Variants in AK9 observed in about 807,000 individuals in gnomAD.
The protein encoded by AK9 is adenylate kinase 9.
A neutral mutation model predicts 239.6 loss-of-function variants in AK9; 191 were observed. The ratio of observed to expected loss-of-function variants is 0.80; its 90% CI spans 0.71 to 0.90. The LOEUF is 0.90. Ranked by LOEUF, AK9 falls within the 40% of genes least tolerant of loss-of-function variation. AK9 has a pLI of 0.00. For synonymous variants in AK9, 689 were observed against 721.0 expected (o/e 0.96, Z 0.71); for missense variants, 1,995 against 2,214.7 (o/e 0.90, Z 1.99).
intron 8 of AK9, among the ~76,000 whole-genome samples, chr6:109,652,238 G>C (rs916211568): frequency 6.6e-6 from 1 of 152,212 alleles, no homozygotes; most frequent in Non-Finnish European, 1.5e-5. Flanking sequence ...TGGGATGCAA[G>C]GCTGGTTCAA....
chr6:109,627,141 T>C (rs1795626820), intron 12 of AK9, among the ~76,000 whole-genome samples: 1 of 142,868 alleles, frequency 7.0e-6, no homozygotes, highest in Non-Finnish European at 1.5e-5. Flanking sequence ...AGCTTTTTTT[T>C]TTTTTTTTTT....
intron 29 of AK9, among the ~76,000 whole-genome samples, chr6:109,519,937 T>A (rs1779665640): frequency 6.6e-6 from 1 of 152,226 alleles, no homozygotes; most frequent in South Asian, 2.1e-4. Flanking sequence ...TTGCCCACTT[T>A]TTAATGGGGT....
At chr6:109,593,553 C>T (rs961033349) in intron 17 of AK9, among the ~76,000 whole-genome samples, 9 of 152,034 alleles carry the variant, frequency 5.9e-5, no homozygotes, top group Admixed American at 2.0e-4. Context: ...CTGGCAGAGA[C>T]GTAACAACAA....
chr6:109,541,286 G>T (rs540718416), intron 27 of AK9, among the ~76,000 whole-genome samples: 7 of 152,146 alleles, frequency 4.6e-5, no homozygotes, highest in Non-Finnish European at 8.8e-5. Flanking sequence ...TATCTCAGAG[G>T]TTATTAAAAG....
intron 31 of AK9, 98 bp from the exon 32 acceptor site, chr6:109,514,535 A>G: frequency 1.9e-6 from 2 of 1,060,092 alleles, no homozygotes; most frequent in Non-Finnish European, 2.7e-6. Flanking sequence ...CATAAGAAAA[A>G]AAAATTCCTT....
intron 12 of AK9, among the ~76,000 whole-genome samples, chr6:109,629,716 T>C (rs1291720330): frequency 6.6e-6 from 1 of 151,724 alleles, no homozygotes; most frequent in Non-Finnish European, 1.5e-5. Context: ...CACTGCAAGC[T>C]CCGCCTCCCG....
intron 17 of AK9, among the ~76,000 whole-genome samples, chr6:109,592,876 T>C (rs1490731990): frequency 1.3e-5 from 2 of 152,216 alleles, no homozygotes; most frequent in Admixed American, 1.3e-4. Context: ...TATCTTACAA[T>C]AGTTTTCTGA....
chr6:109,612,792 C>T (rs1438386879), intron 15 of AK9, among the ~76,000 whole-genome samples: 1 of 151,638 alleles, frequency 6.6e-6, no homozygotes, highest in Non-Finnish European at 1.5e-5. Flanking sequence ...AAAAAATCAG[C>T]TCTACATTAT....
intron 17 of AK9, among the ~76,000 whole-genome samples, chr6:109,599,551 A>C (rs1791604156): frequency 6.6e-6 from 1 of 151,592 alleles, no homozygotes; most frequent in South Asian, 2.1e-4. Flanking sequence ...TTGACTTGGC[A>C]ATGCAGGCTC....
At chr6:109,594,909 G>A (rs957735352) in intron 17 of AK9, among the ~76,000 whole-genome samples, 3 of 152,112 alleles carry the variant, frequency 2.0e-5, no homozygotes, top group Non-Finnish European at 2.9e-5. Flanking sequence ...AAAAATTCTA[G>A]AAGAAAACCT....
At chr6:109,672,768 A>G (rs755413676) in intron 3 of AK9, among the ~76,000 whole-genome samples, 12 of 152,202 alleles carry the variant, frequency 7.9e-5, no homozygotes, top group Non-Finnish European at 7.3e-5. Flanking sequence ...ATGCATATGT[A>G]CTGTGTAGTG....
At chr6:109,665,224 T>A (rs896400451) in intron 5 of AK9, among the ~76,000 whole-genome samples, 1 of 152,248 alleles carries the variant, frequency 6.6e-6, no homozygotes, top group African/African-American at 2.4e-5. Context: ...AAGGATGACC[T>A]TGTCATCTTG....
At chr6:109,679,640 C>T (rs953080925) in intron 1 of AK9, among the ~76,000 whole-genome samples, 2 of 152,166 alleles carry the variant, frequency 1.3e-5, no homozygotes, top group African/African-American at 2.4e-5. Context: ...GGGTCCCTGA[C>T]CCCCATGTCT....
intron 21 of AK9, among the ~76,000 whole-genome samples, chr6:109,568,222 T>A (rs1786871990): frequency 1.3e-5 from 2 of 152,108 alleles, no homozygotes; most frequent in African/African-American, 4.8e-5. Flanking sequence ...TCAAGAAAAT[T>A]CAACAGCGCT....
intron 27 of AK9, among the ~76,000 whole-genome samples, chr6:109,534,982 C>T (rs1276089157): frequency 2.6e-5 from 4 of 152,184 alleles, no homozygotes; most frequent in Non-Finnish European, 4.4e-5. Context: ...ATATGTGCAA[C>T]ATTTTCTTAA....
At position 109,567,780 on chromosome 6, in the gene AK9, GC is replaced by G. The variant is rs560357350; in HGVS notation, c.2345-2936del. On this transcript the variant is annotated intron_variant, in intron 21 of 40. Coordinates refer to ENST00000424296, the MANE Select transcript of AK9 (RefSeq NM_001145128.3). ...GACAGCATTAGGAGATATACCTAAT[GC>G]AAATGACGAGTTAATGGGTGCAGCA... Among the ~76,000 whole-genome samples the G allele has an allele frequency of 4.9e-3, 742 of 149,966 alleles. 11 individuals are homozygous for G. Among genetic ancestry groups the G allele is most frequent in the African/African-American group, 0.017 (707 of 40,588 alleles).
intron 1 of AK9, among the ~76,000 whole-genome samples, chr6:109,683,931 T>TG (rs1773061705): frequency 6.6e-6 from 1 of 152,138 alleles, no homozygotes; most frequent in South Asian, 2.1e-4. Context: ...AAAGGAGCTC[T>TG]CATAGCCAAG....
At chr6:109,683,568 G>A (rs1102924) in intron 1 of AK9, among the ~76,000 whole-genome samples, 63,452 of 151,996 alleles carry the variant, frequency 0.42, 14,929 homozygotes, top group African/African-American at 0.64. Flanking sequence ...ATACAAAATC[G>A]ATGTGCAAAA....
chr6:109,687,800 T>C lies in AK9; in HGVS notation c.-12+3347A>G, dbSNP rs903190670. Among the ~76,000 whole-genome samples the C allele has an allele frequency of 7.9e-5, 12 of 152,356 alleles. No homozygotes were observed. The East Asian group carries it at 2.1e-3, about 27-fold the overall frequency. ...GAAACCGTGCGATCACAAATGTGTG[T>C]TGTTTTAAGCTGCTAAATTTGCAGT... is the stretch of plus-strand genomic sequence containing the variant. On this transcript the variant is annotated intron_variant, in intron 1 of 40. Coordinates refer to ENST00000424296, the MANE Select transcript of AK9 (RefSeq NM_001145128.3).
Sources: allele counts gnomAD v4.1 joint callset (sites outside exome capture counted in the v4.1 genomes callset), GRCh38; gene constraint gnomAD v4.1.1; transcripts MANE v1.5; gene names NCBI Gene and HGNC (gene_info 2026-07-23, HGNC 2026-07-21).